Variants in FRMPD2 observed in about 807,000 individuals in gnomAD.
FRMPD2 encodes FERM and PDZ domain-containing protein 2.
FRMPD2 carries 96 observed loss-of-function variants against 140.1 expected under a neutral mutation model. That is an observed-to-expected ratio of 0.69 (90% CI 0.58 to 0.81). The LOEUF (loss-of-function observed/expected upper bound fraction) is 0.81, where lower values mean the gene tolerates loss of function less well. FRMPD2 is among the 40% of genes least tolerant of loss of function. The probability of loss-of-function intolerance (pLI) is 0.00; values close to 1 mark genes in which losing one functional copy is unlikely to be tolerated. For synonymous variants in FRMPD2, 449 were observed against 547.6 expected (o/e 0.82, Z 2.52); for missense variants, 1,240 against 1,447.4 (o/e 0.86, Z 2.32).
rs186271391 is a variant in FRMPD2, at chr10:48,204,325, G to A, written c.1797+2423C>T. Among the ~76,000 whole-genome samples, 884 of 152,270 alleles carry A rather than the reference G, an allele frequency of 5.8e-3. 3 individuals carry two copies. The highest frequency in any genetic ancestry group is 0.031 in the Middle Eastern group (9 of 294). On this transcript the variant is annotated intron_variant, in intron 14 of 28. Transcript: ENST00000374201. ...TTTTTTATGGGAATCCCATGAAATA[G>A]AATTTGTCAGGTTTCCTGCATTTGC...
chr10:48,159,371 C>A, intron 28 of FRMPD2: 3 of 417,782 alleles, frequency 7.2e-6, no homozygotes, highest in South Asian at 3.5e-5. Context: ...TGGGGATACC[C>A]AAGGATAGCC....
intron 1 of FRMPD2, among the ~76,000 whole-genome samples, chr10:48,254,514 C>G (rs570228150): frequency 5.3e-5 from 8 of 152,356 alleles, no homozygotes; most frequent in African/African-American, 1.9e-4. Flanking sequence ...ATTCTCTACA[C>G]TAGCCCACCA....
intron 4 of FRMPD2, among the ~76,000 whole-genome samples, chr10:48,242,576 C>G (rs1459184292): frequency 6.6e-6 from 1 of 152,270 alleles, no homozygotes; most frequent in Non-Finnish European, 1.5e-5. Flanking sequence ...TTGTCTGCTG[C>G]TTTCTAAACC....
Position 48,201,152 on chromosome 10 carries a change from G to A in FRMPD2, c.1954+76C>T, listed in dbSNP as rs1839075462. ...TCTATTAGAGGTCCCCAGATCAATT[G>A]TATCTATTTATACAAATTATTTTAT... On this transcript the variant is annotated intron_variant, in intron 15 of 28. Coordinates refer to ENST00000374201, the MANE Select transcript of FRMPD2 (RefSeq NM_001018071.4). The A allele has an allele frequency of 2.6e-6, 3 of 1,143,802 alleles. No homozygotes were observed. In the South Asian group the frequency reaches 6.0e-5, roughly 23 times the overall value. 70.9% of individuals were successfully genotyped at this position (1,143,802 alleles called of 1,614,324 possible).
intron 16 of FRMPD2, among the ~76,000 whole-genome samples, chr10:48,188,685 G>C (rs1391618442): frequency 6.6e-6 from 1 of 152,248 alleles, no homozygotes; most frequent in Non-Finnish European, 1.5e-5. Flanking sequence ...CCACAGTCTG[G>C]GAGGAGCCGA....
At chr10:48,245,185 T>C (rs1272829365) in intron 3 of FRMPD2, among the ~76,000 whole-genome samples, 1 of 152,198 alleles carries the variant, frequency 6.6e-6, no homozygotes, top group African/African-American at 2.4e-5. Context: ...ATTGATGTGA[T>C]TGATACATGG....
At chr10:48,207,009 T>G in intron 13 of FRMPD2, 76 bp from the exon 14 acceptor site, 1 of 1,321,138 alleles carries the variant, frequency 7.6e-7, no homozygotes, top group African/African-American at 1.5e-5. Context: ...ATTCACTCCA[T>G]GCAAAACACA....
chr10:48,254,180 C>A (rs374190060), intron 1 of FRMPD2, among the ~76,000 whole-genome samples: 1 of 152,120 alleles, frequency 6.6e-6, no homozygotes, highest in Non-Finnish European at 1.5e-5. Flanking sequence ...CACAGTGTTA[C>A]GGTGGAATGT....
chr10:48,218,993 C>G (rs1839517258), intron 12 of FRMPD2, among the ~76,000 whole-genome samples: 1 of 152,088 alleles, frequency 6.6e-6, no homozygotes, highest in African/African-American at 2.4e-5. Context: ...CTGTGCTGGC[C>G]AAAGGTATGG....
Position 48,244,857 on chromosome 10 carries a change from AAAG to A in FRMPD2, c.310-11_310-9del. The A allele has an allele frequency of 6.3e-7, 1 of 1,595,430 alleles. No individual in the cohort carries two copies. The highest frequency in any genetic ancestry group is 8.6e-7 in the Non-Finnish European group (1 of 1,163,062). The stretch of plus-strand genomic sequence containing the variant: ...TAAAGAATAGACATGCATCTGCCCA[AAAG>A]AAGAGTACATGATTAGATTTCAATC... On this transcript the variant is annotated splice_polypyrimidine_tract_variant and intron_variant, in intron 3 of 28. Coordinates refer to ENST00000374201, the MANE Select transcript of FRMPD2 (RefSeq NM_001018071.4).
intron 15 of FRMPD2, chr10:48,199,753 T>C (rs1340973455): frequency 3.3e-5 from 5 of 152,156 alleles, no homozygotes; most frequent in Non-Finnish European, 7.3e-5. Context: ...AGGACCATGG[T>C]GTATCGTTAC....
chr10:48,175,220 C>T, intron 23 of FRMPD2: 1 of 638,028 alleles, frequency 1.6e-6, no homozygotes, highest in Non-Finnish European at 2.5e-6. Context: ...TCTGTTCAAC[C>T]TTATCCTTCC....
intron 1 of FRMPD2, among the ~76,000 whole-genome samples, chr10:48,271,803 T>C (rs773649695): frequency 2.6e-5 from 4 of 152,162 alleles, no homozygotes; most frequent in South Asian, 2.1e-4. Context: ...TAGAAAAGCA[T>C]AGTGGCTGGA....
chr10:48,242,469 G>T, intron 4 of FRMPD2, 117 bp from the exon 5 acceptor site: 2 of 790,442 alleles, frequency 2.5e-6, no homozygotes, highest in Non-Finnish European at 4.0e-6. Flanking sequence ...AAGCACCAGA[G>T]CAGATGCCTG....
intron 1 of FRMPD2, among the ~76,000 whole-genome samples, chr10:48,267,434 T>C (rs1027230035): frequency 2.0e-5 from 3 of 152,100 alleles, no homozygotes; most frequent in African/African-American, 7.2e-5. Flanking sequence ...AATCCACGGA[T>C]TGAGAAGAGA....
At chr10:48,204,235 A>G (rs1418105858) in intron 14 of FRMPD2, among the ~76,000 whole-genome samples, 1 of 152,208 alleles carries the variant, frequency 6.6e-6, no homozygotes, top group East Asian at 1.9e-4. Context: ...TCTAATTGAA[A>G]TGCTTCCCTA....
intron 12 of FRMPD2, among the ~76,000 whole-genome samples, chr10:48,213,416 T>C (rs1386116403): frequency 6.6e-6 from 1 of 152,256 alleles, no homozygotes; most frequent in Non-Finnish European, 1.5e-5. Context: ...GAATACAGTT[T>C]GGTTGTTTTT....
At chr10:48,187,145 G>T in intron 17 of FRMPD2, 47 bp downstream of exon 17, 2 of 1,333,430 alleles carry the variant, frequency 1.5e-6, no homozygotes, top group Non-Finnish European at 2.1e-6. Flanking sequence ...CAAGCTTCCT[G>T]CGTAGGGGTT....
At chr10:48,161,292 A>C (rs1426296904) in intron 28 of FRMPD2, among the ~76,000 whole-genome samples, 3 of 150,536 alleles carry the variant, frequency 2.0e-5, no homozygotes, top group Admixed American at 2.0e-4. Context: ...TCCAAGAATG[A>C]CAGATTTTGG....
Sources: allele counts gnomAD v4.1 joint callset (sites outside exome capture counted in the v4.1 genomes callset), GRCh38; gene constraint gnomAD v4.1.1; transcripts MANE v1.5; gene names NCBI Gene and HGNC (gene_info 2026-07-23, HGNC 2026-07-21).